BRINP3: variants seen among roughly 807,000 people sequenced by gnomAD.
BRINP3 encodes BMP/retinoic acid inducible neural specific 3.
Under a neutral mutation model 71.0 loss-of-function variants are expected in BRINP3, and 19 were observed. The ratio of observed to expected loss-of-function variants is 0.27; its 90% CI spans 0.19 to 0.39. The LOEUF is 0.39. Ranked by LOEUF, BRINP3 falls within the 10% of genes least tolerant of loss-of-function variation. The pLI is 1.00. For missense variants in BRINP3, 959 were observed against 940.8 expected (o/e 1.02, Z -0.25); for synonymous variants, 380 against 337.7 (o/e 1.13, Z -1.37).
At chr1:190,132,011 G>A (rs1654584334) in intron 7 of BRINP3, among the ~76,000 whole-genome samples, 1 of 151,958 alleles carries the variant, frequency 6.6e-6, no homozygotes, top group African/African-American at 2.4e-5. Flanking sequence ...AGAAGCAAAG[G>A]ACTTGACTGA....
intron 4 of BRINP3, among the ~76,000 whole-genome samples, chr1:190,263,959 A>G (rs1661424318): frequency 6.6e-6 from 1 of 152,304 alleles, no homozygotes; most frequent in East Asian, 1.9e-4. Context: ...ACAACGTTAC[A>G]TTTAATCATT....
intron 2 of BRINP3, among the ~76,000 whole-genome samples, chr1:190,401,376 C>CAAAA (rs762938571): frequency 6.3e-4 from 56 of 89,336 alleles, no homozygotes; most frequent in Non-Finnish European, 7.7e-4. Context: ...CATCTCAAAA[C>CAAAA]AAAAAAAAAA....
intron 7 of BRINP3, among the ~76,000 whole-genome samples, chr1:190,147,599 G>A (rs114941772): frequency 8.3e-4 from 126 of 152,268 alleles, no homozygotes; most frequent in African/African-American, 2.9e-3. Context: ...TAGTGTTTTA[G>A]ATTAAAGAAA....
intron 4 of BRINP3, among the ~76,000 whole-genome samples, chr1:190,257,356 T>C (rs1660759385): frequency 6.6e-6 from 1 of 152,222 alleles, no homozygotes; most frequent in South Asian, 2.1e-4. Context: ...TAAGGTCTTC[T>C]CTACACTGTT....
At chr1:190,155,133 T>G (rs1238170194) in intron 7 of BRINP3, among the ~76,000 whole-genome samples, 1 of 152,118 alleles carries the variant, frequency 6.6e-6, no homozygotes, top group Non-Finnish European at 1.5e-5. Flanking sequence ...AAGATTTTCA[T>G]ATATAAGTTG....
At chr1:190,454,212 A>G (rs747741130) in intron 2 of BRINP3, among the ~76,000 whole-genome samples, 1 of 152,148 alleles carries the variant, frequency 6.6e-6, no homozygotes, top group Non-Finnish European at 1.5e-5. Context: ...TGAACGTACA[A>G]TTACCTTTCA....
chr1:190,102,609 A>G (rs895539989), intron 7 of BRINP3, among the ~76,000 whole-genome samples: 9 of 152,064 alleles, frequency 5.9e-5, no homozygotes, highest in African/African-American at 2.2e-4. Context: ...AAAGAAGGAA[A>G]AAAGGAAGGG....
At position 190,421,557 on chromosome 1, in the gene BRINP3, T is replaced by A. The variant is rs78653112; in HGVS notation, c.236+33098A>T. On this transcript the variant is annotated intron_variant, in intron 2 of 7. Coordinates refer to ENST00000367462, the MANE Select transcript of BRINP3 (RefSeq NM_199051.3). The stretch of plus-strand genomic sequence containing the variant: ...TTTTATGAAAGTAATTGATTCCCTA[T>A]GTTATGAATATCGGCATCATTTCTT... Among the ~76,000 whole-genome samples, 10 of 151,766 alleles carry A rather than the reference T, an allele frequency of 6.6e-5. No individual in the cohort carries two copies. The East Asian group carries it at 1.9e-3, about 29-fold the overall frequency.
intron 1 of BRINP3, among the ~76,000 whole-genome samples, chr1:190,476,850 A>G (rs558335853): frequency 1.3e-5 from 2 of 152,300 alleles, no homozygotes; most frequent in African/African-American, 4.8e-5. Context: ...GTGATTTGAA[A>G]TATTTTAAGA....
intron 2 of BRINP3, among the ~76,000 whole-genome samples, chr1:190,320,728 G>T (rs993870258): frequency 6.6e-6 from 1 of 151,734 alleles, no homozygotes; most frequent in Admixed American, 6.6e-5. Context: ...AGGCAGGCCA[G>T]TGAACCTAAT....
intron 1 of BRINP3, among the ~76,000 whole-genome samples, chr1:190,459,232 T>C (rs904993344): frequency 6.6e-6 from 1 of 150,914 alleles, no homozygotes; most frequent in Admixed American, 6.6e-5. Flanking sequence ...ATAAAATACA[T>C]CAAAAATATG....
At chr1:190,305,053 C>A (rs902005486) in intron 2 of BRINP3, among the ~76,000 whole-genome samples, 3 of 151,584 alleles carry the variant, frequency 2.0e-5, no homozygotes, top group African/African-American at 7.3e-5. Context: ...CAAATCAAAA[C>A]AATAATGAGA....
chr1:190,178,041 A>G (rs1278222849), intron 6 of BRINP3, among the ~76,000 whole-genome samples: 1 of 152,134 alleles, frequency 6.6e-6, no homozygotes, highest in African/African-American at 2.4e-5. Context: ...GATATATGCA[A>G]ATATTATGCC....
intron 7 of BRINP3, among the ~76,000 whole-genome samples, chr1:190,153,152 G>A (rs903816455): frequency 2.6e-5 from 4 of 152,064 alleles, no homozygotes; most frequent in African/African-American, 9.7e-5. Context: ...GTACATGCAC[G>A]ATTTTTTTTC....
intron 7 of BRINP3, among the ~76,000 whole-genome samples, chr1:190,116,042 ACATT>A (rs372152912): frequency 9.2e-5 from 14 of 152,204 alleles, no homozygotes; most frequent in African/African-American, 3.4e-4. Flanking sequence ...TACGATAGAC[ACATT>A]CATCATCTCC....
At chr1:190,252,176 G>A (rs1358796736) in intron 4 of BRINP3, among the ~76,000 whole-genome samples, 2 of 152,094 alleles carry the variant, frequency 1.3e-5, no homozygotes, top group East Asian at 3.9e-4. Context: ...TTGAGTGTCA[G>A]CATGTACAAT....
chr1:190,279,359 G>T (rs1178119638), intron 3 of BRINP3, among the ~76,000 whole-genome samples: 1 of 151,714 alleles, frequency 6.6e-6, no homozygotes. Flanking sequence ...ACTGTGCTAA[G>T]CACAGTTTTC....
chr1:190,289,966 A>G (rs1243706536), intron 2 of BRINP3, among the ~76,000 whole-genome samples: 4 of 151,990 alleles, frequency 2.6e-5, no homozygotes, highest in Non-Finnish European at 4.4e-5. Flanking sequence ...CAAATGAATG[A>G]CCCATAGTAG....
intron 2 of BRINP3, among the ~76,000 whole-genome samples, chr1:190,362,573 G>C (rs903046035): frequency 6.6e-5 from 10 of 152,188 alleles, no homozygotes; most frequent in Admixed American, 5.2e-4. Flanking sequence ...GGTTTGGCTG[G>C]GTCCCCACTC....
Sources: allele counts gnomAD v4.1 joint callset (sites outside exome capture counted in the v4.1 genomes callset), GRCh38; gene constraint gnomAD v4.1.1; transcripts MANE v1.5; gene names NCBI Gene and HGNC (gene_info 2026-07-23, HGNC 2026-07-21).